GPC5: variants seen among roughly 807,000 people sequenced by gnomAD.
GPC5 encodes glypican 5, also known as glypican-5.
In GPC5, 47 loss-of-function variants were observed where a neutral mutation model predicts 53.9. That is an observed-to-expected ratio of 0.87 (90% confidence interval 0.69 to 1.11). GPC5 has a LOEUF of 1.11. Among genes scored for constraint, GPC5 ranks in the 50% most tolerant of loss-of-function variants. The pLI, the probability that GPC5 is intolerant of heterozygous loss-of-function variation, is 0.00. For missense variants in GPC5, 748 were observed against 713.1 expected, an observed-to-expected ratio of 1.05 and a Z score of -0.56; for synonymous variants, 286 against 263.3, an observed-to-expected ratio of 1.09 and a Z score of -0.84.
At chr13:91,809,337 G>T (rs1291211226) in intron 5 of GPC5, among the ~76,000 whole-genome samples, 2 of 152,134 alleles carry the variant, frequency 1.3e-5, no homozygotes, top group Non-Finnish European at 2.9e-5. Context: ...GAAGTTTCCA[G>T]TGACAGAGAA....
At chr13:92,629,930 G>C (rs1885179981) in intron 7 of GPC5, among the ~76,000 whole-genome samples, 1 of 152,192 alleles carries the variant, frequency 6.6e-6, no homozygotes, top group South Asian at 2.1e-4. Context: ...AGGAAGCCTT[G>C]AGGAAAAACA....
chr13:92,785,358 C>A (rs1408549091), intron 7 of GPC5, among the ~76,000 whole-genome samples: 2 of 152,162 alleles, frequency 1.3e-5, no homozygotes, highest in African/African-American at 4.8e-5. Context: ...GGAAGGGAAC[C>A]ATTAACTCAT....
At chr13:92,227,316 G>A (rs570532007) in intron 7 of GPC5, among the ~76,000 whole-genome samples, 75 of 152,214 alleles carry the variant, frequency 4.9e-4, no homozygotes, top group African/African-American at 1.8e-3. Flanking sequence ...CAAAAAAACA[G>A]CCACCCAATG....
chr13:92,440,554 A>G (rs889810825), intron 7 of GPC5, among the ~76,000 whole-genome samples: 3 of 152,192 alleles, frequency 2.0e-5, no homozygotes, highest in Non-Finnish European at 2.9e-5. Flanking sequence ...CAGTGTGGCA[A>G]TGAACATACA....
At chr13:92,666,329 C>T (rs1442590656) in intron 7 of GPC5, among the ~76,000 whole-genome samples, 1 of 152,046 alleles carries the variant, frequency 6.6e-6, no homozygotes, top group Non-Finnish European at 1.5e-5. Context: ...TGTATATAAA[C>T]ATTTGCTGAA....
intron 7 of GPC5, among the ~76,000 whole-genome samples, chr13:92,550,054 A>C (rs1252186666): frequency 6.6e-6 from 1 of 151,886 alleles, no homozygotes; most frequent in Non-Finnish European, 1.5e-5. Context: ...TTCTTCAAAG[A>C]AATAAAATAG....
chr13:92,709,924 T>A (rs1888078203), intron 7 of GPC5, among the ~76,000 whole-genome samples: 1 of 152,150 alleles, frequency 6.6e-6, no homozygotes, highest in Admixed American at 6.5e-5. Flanking sequence ...ATAGCTTAAG[T>A]GTAGTTTGTA....
At chr13:92,707,454 C>T (rs372719876) in intron 7 of GPC5, among the ~76,000 whole-genome samples, 29 of 152,070 alleles carry the variant, frequency 1.9e-4, no homozygotes, top group South Asian at 6.2e-4. Flanking sequence ...TTGTTTCCAA[C>T]GGCCCTTGAC....
At chr13:92,368,848 C>T (rs2043627891) in intron 7 of GPC5, among the ~76,000 whole-genome samples, 1 of 151,978 alleles carries the variant, frequency 6.6e-6, no homozygotes, top group African/African-American at 2.4e-5. Context: ...CGGGCATATG[C>T]ATTTTTGTAG....
intron 6 of GPC5, among the ~76,000 whole-genome samples, chr13:92,014,568 G>T (rs764785817): frequency 6.6e-5 from 10 of 151,990 alleles, no homozygotes; most frequent in Non-Finnish European, 1.3e-4. Flanking sequence ...GATTTGAAGG[G>T]TTTTCTTTTT....
rs900359140 is a variant in GPC5 at position 92,330,450 on chromosome 13, T to C, written c.1561+185461T>C. Among the ~76,000 whole-genome samples, 4 of 152,132 alleles carry C rather than the reference T, an allele frequency of 2.6e-5. No homozygotes were observed. In the East Asian group the frequency reaches 7.7e-4, roughly 29 times the overall value. ...ATCTAACAAGCAATTTCCATGTATATTGTTATCCTTATGTATTACATAGGA... is the reference window on the plus strand; with the variant it reads ...ATCTAACAAGCAATTTCCATGTATACTGTTATCCTTATGTATTACATAGGA... On this transcript the variant is annotated intron_variant, in intron 7 of 7. Coordinates refer to ENST00000377067, the MANE Select transcript of GPC5 (RefSeq NM_004466.6).
chr13:91,444,910 C>A (rs1047142460), intron 1 of GPC5, among the ~76,000 whole-genome samples: 7 of 152,130 alleles, frequency 4.6e-5, no homozygotes, highest in Admixed American at 3.9e-4. Context: ...ACAGTAGATC[C>A]CCGAAGCATC....
At chr13:91,480,506 C>A (rs951457746) in intron 2 of GPC5, among the ~76,000 whole-genome samples, 1 of 152,314 alleles carries the variant, frequency 6.6e-6, no homozygotes, top group East Asian at 1.9e-4. Context: ...CGTGACTATC[C>A]ATTACTTACT....
intron 7 of GPC5, among the ~76,000 whole-genome samples, chr13:92,586,828 T>C (rs1883550843): frequency 6.6e-6 from 1 of 152,186 alleles, no homozygotes; most frequent in African/African-American, 2.4e-5. Context: ...GACCATTCTC[T>C]ATCAGCAAGG....
chr13:91,620,494 C>A (rs936878327), intron 2 of GPC5, among the ~76,000 whole-genome samples: 5 of 152,118 alleles, frequency 3.3e-5, no homozygotes, highest in African/African-American at 1.2e-4. Context: ...GATTGGGCTA[C>A]AATTTCTAGT....
chr13:92,209,471 GTA>G (rs745723025), intron 7 of GPC5, among the ~76,000 whole-genome samples: 155 of 152,206 alleles, frequency 1.0e-3, no homozygotes, highest in Non-Finnish European at 1.8e-3. Flanking sequence ...CCACTCTCCT[GTA>G]TATAATGATT....
chr13:92,195,513 T>C (rs1022531949), intron 7 of GPC5, among the ~76,000 whole-genome samples: 1 of 152,136 alleles, frequency 6.6e-6, no homozygotes, highest in Non-Finnish European at 1.5e-5. Context: ...CCAAATTTTT[T>C]TGGAGGCCAA....
At chr13:91,893,256 A>G (rs1462961245) in intron 5 of GPC5, among the ~76,000 whole-genome samples, 2 of 152,044 alleles carry the variant, frequency 1.3e-5, no homozygotes, top group Non-Finnish European at 2.9e-5. Flanking sequence ...CCAGTAAACC[A>G]TAGAAAAAAA....
chr13:92,656,891 C>T (rs900443935), intron 7 of GPC5, among the ~76,000 whole-genome samples: 3 of 152,196 alleles, frequency 2.0e-5, no homozygotes, highest in Non-Finnish European at 4.4e-5. Flanking sequence ...AAGTGTTCAA[C>T]GCTGCAGTGA....
Sources: gnomAD v4.1 joint callset for allele counts (sites outside exome capture counted in the v4.1 genomes callset) on GRCh38, gnomAD v4.1.1 for gene constraint, MANE v1.5 for transcripts, NCBI Gene and HGNC (gene_info 2026-07-23, HGNC 2026-07-21) for gene names.